ABCA1: variants seen among roughly 807,000 people sequenced by gnomAD.
The protein encoded by ABCA1 is ATP binding cassette subfamily A member 1.
A neutral mutation model predicts 262.5 loss-of-function variants in ABCA1; 133 were observed. That is an observed-to-expected ratio of 0.51 (90% CI 0.44 to 0.59). ABCA1 has a LOEUF of 0.59. Among genes scored for constraint, ABCA1 ranks in the 20% least tolerant of loss-of-function variants. ABCA1 has a pLI of 0.00. For synonymous variants in ABCA1, 1,022 were observed against 1,043.5 expected (o/e 0.98, Z 0.40); for missense variants, 2,452 against 2,777.5 (o/e 0.88, Z 2.63).
chr9:104,833,407 C>G (rs946011490), intron 11 of ABCA1, among the ~76,000 whole-genome samples: 1 of 152,186 alleles, frequency 6.6e-6, no homozygotes, highest in African/African-American at 2.4e-5. Flanking sequence ...GTCTTGAACA[C>G]CTGGGCTCAA....
At chr9:104,822,091 T>C (rs1335028825) in intron 19 of ABCA1, among the ~76,000 whole-genome samples, 3 of 152,192 alleles carry the variant, frequency 2.0e-5, no homozygotes, top group South Asian at 2.1e-4. Context: ...GTAAGGTCCT[T>C]GAGGTCGCAG....
At chr9:104,796,756 C>T (rs1226820801) in intron 37 of ABCA1, among the ~76,000 whole-genome samples, 4 of 152,122 alleles carry the variant, frequency 2.6e-5, no homozygotes, top group South Asian at 2.1e-4. Flanking sequence ...TTCTTCTTCC[C>T]GAAGATGACT....
intron 6 of ABCA1, among the ~76,000 whole-genome samples, chr9:104,861,040 G>T (rs1466388438): frequency 3.3e-5 from 5 of 152,084 alleles, no homozygotes; most frequent in Non-Finnish European, 5.9e-5. Flanking sequence ...ATAGACGTGG[G>T]ATTACAGACC....
chr9:104,799,054 C>T (rs553718061), intron 36 of ABCA1, among the ~76,000 whole-genome samples: 1 of 152,258 alleles, frequency 6.6e-6, no homozygotes, highest in African/African-American at 2.4e-5. Context: ...TAACAGTATG[C>T]AGCCTATTGA....
chr9:104,798,907 T>C (rs568109858), intron 36 of ABCA1, among the ~76,000 whole-genome samples: 3 of 152,336 alleles, frequency 2.0e-5, no homozygotes, highest in Admixed American at 1.3e-4. Context: ...CCACTGTTCA[T>C]GACCTTGTAA....
Position 104,904,313 on chromosome 9 carries a change from T to C in ABCA1, c.-92-542A>G, listed in dbSNP as rs566943590. ...GGCCAGGCGTGGTGGCTCAAGCCTA[T>C]AATCCCAGCACTTTGGGAGGCCGAG... On this transcript the variant is annotated intron_variant, in intron 1 of 49. Coordinates refer to ENST00000374736, the MANE Select transcript of ABCA1 (RefSeq NM_005502.4). Among the ~76,000 whole-genome samples the C allele has an allele frequency of 2.6e-5, 4 of 152,186 alleles. No homozygotes were observed. In the East Asian group the frequency reaches 7.8e-4, roughly 30 times the overall value.
chr9:104,880,808 G>A (rs1251455790), intron 5 of ABCA1, among the ~76,000 whole-genome samples: 1 of 152,046 alleles, frequency 6.6e-6, no homozygotes, highest in African/African-American at 2.4e-5. Context: ...CTACTGTAGG[G>A]TTTTTAGATA....
intron 1 of ABCA1, among the ~76,000 whole-genome samples, chr9:104,919,235 T>C (rs1842004146): frequency 6.6e-6 from 1 of 152,198 alleles, no homozygotes; most frequent in African/African-American, 2.4e-5. Context: ...ACTAGCATGC[T>C]ATTCTTGAAG....
intron 8 of ABCA1, among the ~76,000 whole-genome samples, chr9:104,841,745 C>T (rs962117668): frequency 1.3e-5 from 2 of 152,196 alleles, no homozygotes; most frequent in Non-Finnish European, 2.9e-5. Flanking sequence ...GTCCCAACAG[C>T]GTGAGTCAGA....
At chr9:104,863,342 C>T (rs997641277) in intron 5 of ABCA1, among the ~76,000 whole-genome samples, 24 of 152,314 alleles carry the variant, frequency 1.6e-4, no homozygotes, top group Admixed American at 5.2e-4. Flanking sequence ...AGCCTAACTT[C>T]TTTGTAATAA....
chr9:104,816,209 C>T lies in ABCA1; in HGVS notation c.3672G>A (p.Glu1224=). 1 of 1,614,190 alleles carries T rather than the reference C, an allele frequency of 6.2e-7. No individual in the cohort carries two copies. The highest frequency in any genetic ancestry group is 8.5e-7 in the Non-Finnish European group (1 of 1,180,034). The change falls in exon 25 of 50, where the codon GAG becomes GAA. Residue 1224 remains glutamate, a synonymous_variant. Coordinates refer to ENST00000374736, the MANE Select transcript of ABCA1 (RefSeq NM_005502.4). The stretch of plus-strand genomic sequence containing the variant: ...CCAGGTCTGAGAGCCGGTCATCAAT[C>T]TCATGAAAGAGTTCCACAAAGGCTC... The part of the protein sequence containing the change: ...KEGAFVELFH[E]IDDRLSDLGI...
chr9:104,784,507 CTTTA>C, intron 49 of ABCA1, 52 bp from the exon 50 acceptor site: 1 of 1,609,120 alleles, frequency 6.2e-7, no homozygotes. Flanking sequence ...CTTGCTCATT[CTTTA>C]TTCTAGTTCT....
rs34879708 is a variant in ABCA1, at chr9:104,784,372, G to A, written c.6729C>T (p.Asp2243=). ...GTAGAAAAGATGTGAGAACTGCAAC[G>A]TCCACTACTGTCTGGTTTTTGTGTA... ...LSLHKNQTVV[D]VAVLTSFLQD... The change falls in exon 50 of 50, where the codon GAC becomes GAT. Residue 2243 remains aspartate (D), a synonymous_variant. Transcript: ENST00000374736. 11 of 1,613,912 alleles carry A rather than the reference G, an allele frequency of 6.8e-6. No individual in the cohort carries two copies. The highest frequency in any genetic ancestry group is 4.5e-5 in the East Asian group (2 of 44,870).
At chr9:104,805,302 T>C (rs1017168181) in intron 31 of ABCA1, among the ~76,000 whole-genome samples, 1 of 152,196 alleles carries the variant, frequency 6.6e-6, no homozygotes, top group Non-Finnish European at 1.5e-5. Context: ...TTCGAACTCC[T>C]GACCTTAGGT....
At chr9:104,917,239 T>G (rs1841898830) in intron 1 of ABCA1, among the ~76,000 whole-genome samples, 1 of 152,214 alleles carries the variant, frequency 6.6e-6, no homozygotes, top group Non-Finnish European at 1.5e-5. Context: ...GTTATTTAAC[T>G]TCTCCTCGGC....
chr9:104,843,213 C>T (rs768580322), intron 8 of ABCA1, among the ~76,000 whole-genome samples: 18 of 152,162 alleles, frequency 1.2e-4, no homozygotes, highest in Admixed American at 7.2e-4. Flanking sequence ...TCACCCTATA[C>T]GTGCCCCAAG....
intron 25 of ABCA1, among the ~76,000 whole-genome samples, chr9:104,815,597 T>TAA (rs1009810253): frequency 5.3e-5 from 8 of 151,668 alleles, no homozygotes; most frequent in African/African-American, 1.9e-4. Flanking sequence ...TCACAGTGAT[T>TAA]AAAAAAAAAT....
In ABCA1 at chr9:104,796,134, A is replaced by G. The variant is rs145246003; in HGVS notation, c.5301T>C (p.Tyr1767=). The change falls in exon 39 of 50, where the codon TAT becomes TAC. Residue 1767 remains tyrosine (Y), a synonymous_variant. Coordinates refer to ENST00000374736, the MANE Select transcript of ABCA1 (RefSeq NM_005502.4). ...AGAGGTTCACGCTGGTGAGCACCAC[A>G]TAGGCTGTGCTGGGGATCTTGAACA... is the stretch of plus-strand genomic sequence containing the variant. The part of the protein sequence containing the change: ...SFVFKIPSTA[Y]VVLTSVNLFI... 734 of 1,614,024 alleles carry G rather than the reference A, an allele frequency of 4.5e-4. No homozygotes were observed. The highest frequency in any genetic ancestry group is 4.4e-3 in the African/African-American group (330 of 75,068).
At chr9:104,918,615 T>C (rs1357302629) in intron 1 of ABCA1, among the ~76,000 whole-genome samples, 1 of 152,204 alleles carries the variant, frequency 6.6e-6, no homozygotes, top group Non-Finnish European at 1.5e-5. Flanking sequence ...TATAAATATG[T>C]ATTGTTGTTG....
Sources: allele counts gnomAD v4.1 joint callset (sites outside exome capture counted in the v4.1 genomes callset), GRCh38; gene constraint gnomAD v4.1.1; transcripts MANE v1.5; gene names NCBI Gene and HGNC (gene_info 2026-07-23, HGNC 2026-07-21).